KHDRBS1: variants seen among roughly 807,000 people sequenced by gnomAD.
The protein encoded by KHDRBS1 is KH RNA binding domain containing, signal transduction associated 1.
Under a neutral mutation model 48.4 loss-of-function variants are expected in KHDRBS1, and 7 were observed. That is an observed-to-expected ratio of 0.14 (90% CI 0.08 to 0.27). The LOEUF is 0.27. Ranked by LOEUF, KHDRBS1 falls within the 10% of genes least tolerant of loss-of-function variation. KHDRBS1 has a pLI of 1.00. For synonymous variants in KHDRBS1, 241 were observed against 235.8 expected (o/e 1.02, Z -0.20); for missense variants, 458 against 601.2 (o/e 0.76, Z 2.49).
At position 32,038,639 on chromosome 1, in the gene KHDRBS1, C is replaced by G; in HGVS notation, c.1175+20C>G. On this transcript the variant is annotated intron_variant, in intron 7 of 8. Coordinates refer to ENST00000327300, the MANE Select transcript of KHDRBS1 (RefSeq NM_006559.3). Reference sequence around the variant, plus strand: ...TCAAGGGTGAGTCAGGCAGTATAAGCACTGTTTTTTGTCCTGAGGATGGAT... The same window carrying G: ...TCAAGGGTGAGTCAGGCAGTATAAGGACTGTTTTTTGTCCTGAGGATGGAT... 2 of 1,612,460 alleles carry G rather than the reference C, an allele frequency of 1.2e-6. No homozygotes were observed. The highest frequency in any genetic ancestry group is 1.7e-6 in the Non-Finnish European group (2 of 1,178,718).
At chr1:32,021,625 G>GT (rs549878413) in intron 1 of KHDRBS1, among the ~76,000 whole-genome samples, 278 of 150,704 alleles carry the variant, frequency 1.8e-3, no homozygotes, top group African/African-American at 5.8e-3. Flanking sequence ...TTTTGTATTT[G>GT]TTTTTTTTTG....
At chr1:32,025,292 CTTTTTTTTTTTT>C (rs576339772) in intron 1 of KHDRBS1, among the ~76,000 whole-genome samples, 3 of 92,094 alleles carry the variant, frequency 3.3e-5, no homozygotes, top group African/African-American at 1.6e-4. Flanking sequence ...TCGGCTCCTC[CTTTTTTTTTTTT>C]TTTTTTTTTT....
intron 7 of KHDRBS1, among the ~76,000 whole-genome samples, chr1:32,039,030 T>C (rs536867175): frequency 6.6e-6 from 1 of 152,198 alleles, no homozygotes; most frequent in African/African-American, 2.4e-5. Context: ...TTTTAAAATA[T>C]CAAAACCACA....
chr1:32,052,835 T>A (rs186981195), intron 10 of KHDRBS1: 7 of 152,290 alleles, frequency 4.6e-5, no homozygotes, highest in African/African-American at 1.4e-4. Context: ...GTAGATGTTA[T>A]TATCCCATTT....
At position 32,037,926 on chromosome 1, in the gene KHDRBS1, G is replaced by T; in HGVS notation, c.997G>T (p.Val333Leu). Residue 333 changes from valine (V) to leucine (L), a missense_variant, in exon 6 of 9, where the codon GTG (valine) becomes TTG (leucine). By Grantham distance (32) the Val-to-Leu change is conservative. Coordinates refer to ENST00000327300, the MANE Select transcript of KHDRBS1 (RefSeq NM_006559.3). ...CAGAGGTGCCACTGTGACTCGAGGCGTGCCACCCCCACCTACTGTGAGGGG... is the reference window on the plus strand; with the variant it reads ...CAGAGGTGCCACTGTGACTCGAGGCTTGCCACCCCCACCTACTGTGAGGGG... ...ITRGATVTRGVPPPPTVRGAP... is the reference protein window; with the variant it reads ...ITRGATVTRGLPPPPTVRGAP... 1 of 1,614,240 alleles carries T rather than the reference G, an allele frequency of 6.2e-7. No individual in the cohort carries two copies. Among genetic ancestry groups the T allele is most frequent in the Non-Finnish European group, 8.5e-7 (1 of 1,180,044 alleles).
chr1:32,016,039 G>A (rs1308398724), intron 1 of KHDRBS1, among the ~76,000 whole-genome samples: 1 of 152,058 alleles, frequency 6.6e-6, no homozygotes, highest in African/African-American at 2.4e-5. Flanking sequence ...TTAGCTTCGC[G>A]TGGTGGCGCA....
intron 1 of KHDRBS1, among the ~76,000 whole-genome samples, chr1:32,028,206 G>T (rs950612212): frequency 6.6e-6 from 1 of 152,078 alleles, no homozygotes; most frequent in Non-Finnish European, 1.5e-5. Context: ...TCAAGCCAAT[G>T]GTTTTCAAAG....
Position 32,014,392 on chromosome 1 carries a change from C to T in KHDRBS1, c.382+15C>T, listed in dbSNP as rs763332702. The T allele has an allele frequency of 5.2e-6, 7 of 1,359,200 alleles. No homozygotes were observed. The highest frequency in any genetic ancestry group is 6.7e-6 in the Non-Finnish European group (7 of 1,038,008). The allele number at this position is 1,359,200 out of a possible 1,614,324, so 84.2% of individuals were successfully genotyped here. A position where few individuals can be genotyped will look rare whatever the true frequency, so the allele number is the denominator to read the frequency against. Reference sequence around the variant, plus strand: ...GCTGACGGCAGGTAAGGGGGCCTCCCGTGTCCCTCTGGGTCGCCCGGCCAT... The same window carrying T: ...GCTGACGGCAGGTAAGGGGGCCTCCTGTGTCCCTCTGGGTCGCCCGGCCAT... On this transcript the variant is annotated intron_variant, in intron 1 of 8. Transcript: ENST00000327300.
chr1:32,041,810 G>A (rs920499506), intron 8 of KHDRBS1, among the ~76,000 whole-genome samples: 5 of 152,208 alleles, frequency 3.3e-5, no homozygotes, highest in Middle Eastern at 3.4e-3. Flanking sequence ...GGCTGGTCTC[G>A]AACTCCTGAC....
intron 1 of KHDRBS1, among the ~76,000 whole-genome samples, chr1:32,021,486 T>G (rs1204501443): frequency 6.6e-6 from 1 of 152,210 alleles, no homozygotes; most frequent in Non-Finnish European, 1.5e-5. Flanking sequence ...GAAGTTGTTT[T>G]GCAATAGTAA....
At chr1:32,023,223 G>A (rs1638896916) in intron 1 of KHDRBS1, among the ~76,000 whole-genome samples, 1 of 152,072 alleles carries the variant, frequency 6.6e-6, no homozygotes, top group East Asian at 1.9e-4. Flanking sequence ...CAAAAGTGGG[G>A]GGTGGGAAAG....
At chr1:32,021,999 C>CA (rs1355604755) in intron 1 of KHDRBS1, among the ~76,000 whole-genome samples, 1 of 147,122 alleles carries the variant, frequency 6.8e-6, no homozygotes, top group Non-Finnish European at 1.5e-5. Context: ...CTTGCTCTGT[C>CA]ACCCAGGCTG....
At position 32,043,662 on chromosome 1, in the gene KHDRBS1, G is replaced by C. The variant is rs1186569532; in HGVS notation, c.*1038G>C. 6.6e-6 allele frequency: 1 copy of C among 152,604 alleles called. No homozygotes were observed. The highest frequency in any genetic ancestry group is 1.5e-5 in the Non-Finnish European group (1 of 68,040). 9.5% of individuals were successfully genotyped at this position (152,604 alleles called of 1,614,324 possible). A position where few individuals can be genotyped will look rare whatever the true frequency, so the allele number is the denominator to read the frequency against. On this transcript the variant is annotated 3_prime_UTR_variant, in exon 9 of 9. Coordinates refer to ENST00000327300, the MANE Select transcript of KHDRBS1 (RefSeq NM_006559.3). ...GTTAGTCAAGTATGTCTCAACACTA[G>C]CATGATATAAAAAGGGACACTGCAG...
intron 1 of KHDRBS1, among the ~76,000 whole-genome samples, chr1:32,026,039 C>G (rs1638964283): frequency 6.6e-6 from 1 of 151,854 alleles, no homozygotes; most frequent in Non-Finnish European, 1.5e-5. Context: ...TTCAGCCTCC[C>G]AAAGCACTGG....
intron 1 of KHDRBS1, among the ~76,000 whole-genome samples, chr1:32,027,146 G>C (rs573204759): frequency 4.8e-4 from 73 of 152,200 alleles, no homozygotes; most frequent in South Asian, 1.5e-3. Flanking sequence ...TGGCCAGGCT[G>C]GTCTCGAACT....
At chr1:32,046,346 T>A (rs189407768), downstream of KHDRBS1, among the ~76,000 whole-genome samples, 2 of 152,110 alleles carry the variant, frequency 1.3e-5, no homozygotes, top group Non-Finnish European at 2.9e-5. Flanking sequence ...CCCGAGTACC[T>A]GGGACTACAG....
downstream of KHDRBS1, among the ~76,000 whole-genome samples, chr1:32,046,687 T>C (rs930393279): frequency 2.6e-5 from 4 of 152,202 alleles, no homozygotes; most frequent in Admixed American, 6.5e-5. Context: ...TTCTCTGCTC[T>C]GAGGTGTTAG....
intron 6 of KHDRBS1, chr1:32,038,249 AAATGTACTTT>A: frequency 1.3e-6 from 1 of 741,730 alleles, no homozygotes; most frequent in East Asian, 2.7e-5. Context: ...ACAAGAAATA[AAATGTACTTT>A]AATGTAGTAT....
intron 1 of KHDRBS1, among the ~76,000 whole-genome samples, chr1:32,022,093 G>A (rs2124362184): frequency 6.6e-6 from 1 of 151,774 alleles, no homozygotes; most frequent in Middle Eastern, 3.4e-3. Context: ...TCAGCCTCCT[G>A]AGTAGCTGAG....
Sources: allele counts gnomAD v4.1 joint callset (sites outside exome capture counted in the v4.1 genomes callset), GRCh38; gene constraint gnomAD v4.1.1; transcripts MANE v1.5; gene names NCBI Gene and HGNC (gene_info 2026-07-23, HGNC 2026-07-21).